BTBD8: variants seen among roughly 807,000 people sequenced by gnomAD.
The protein encoded by BTBD8 is BTB/POZ domain-containing protein 8.
BTBD8 carries 110 observed loss-of-function variants against 162.9 expected under a neutral mutation model. That is an observed-to-expected ratio of 0.68 (90% CI 0.58 to 0.79). The LOEUF (loss-of-function observed/expected upper bound fraction) is 0.79, where lower values mean the gene tolerates loss of function less well. Among genes scored for constraint, BTBD8 ranks in the 30% least tolerant of loss-of-function variants. BTBD8 has a pLI of 0.00. For missense variants in BTBD8, 1,905 were observed against 2,085.4 expected, an observed-to-expected ratio of 0.91 and a Z score of 1.68; for synonymous variants, 667 against 716.1, an observed-to-expected ratio of 0.93 and a Z score of 1.10.
At chr1:92,119,743 C>T (rs2101918827) in intron 4 of BTBD8, among the ~76,000 whole-genome samples, 1 of 151,512 alleles carries the variant, frequency 6.6e-6, no homozygotes, top group East Asian at 1.9e-4. Context: ...TCTCCTGCCT[C>T]AGCATCCCGA....
chr1:92,100,171 T>G (rs1648549891), intron 2 of BTBD8, among the ~76,000 whole-genome samples: 1 of 152,246 alleles, frequency 6.6e-6, no homozygotes. Flanking sequence ...TTTTCTGAAT[T>G]CCTGAGATAC....
chr1:92,084,637 A>G (rs951628146), intron 1 of BTBD8, among the ~76,000 whole-genome samples: 5 of 152,130 alleles, frequency 3.3e-5, no homozygotes, highest in Non-Finnish European at 2.9e-5. Context: ...GGTAAGGTGG[A>G]TATCTTGTCC....
At chr1:92,183,162 T>C (rs1465186390) in intron 17 of BTBD8, among the ~76,000 whole-genome samples, 1 of 152,164 alleles carries the variant, frequency 6.6e-6, no homozygotes, top group Non-Finnish European at 1.5e-5. Context: ...GCAATGATAA[T>C]ATATGAAAAA....
Position 92,080,358 on chromosome 1 carries a change from G to C in BTBD8, c.-214G>C, listed in dbSNP as rs1647959735. 1.6e-6 allele frequency: 1 copy of C among 637,656 alleles called. No homozygotes were observed. The highest frequency in any genetic ancestry group is 2.5e-6 in the Non-Finnish European group (1 of 392,710). 39.5% of individuals were successfully genotyped at this position (637,656 alleles called of 1,614,324 possible). On this transcript the variant is annotated 5_prime_UTR_variant, in exon 1 of 18. Transcript: ENST00000636805. ...CCTGCGCACGCTCTTCCTGGGTCAA[G>C]AGCCGGCTCGGTTCTGGGATTCTGA... is the stretch of plus-strand genomic sequence containing the variant.
At chr1:92,175,883 T>G (rs1650698058) in intron 13 of BTBD8, among the ~76,000 whole-genome samples, 1 of 152,344 alleles carries the variant, frequency 6.6e-6, no homozygotes, top group African/African-American at 2.4e-5. Flanking sequence ...AAAAATTTTC[T>G]TTGTTCCCTT....
intron 3 of BTBD8, 79 bp downstream of exon 3, chr1:92,102,748 C>T (rs1023049623): frequency 1.3e-5 from 16 of 1,218,942 alleles, no homozygotes; most frequent in African/African-American, 4.7e-5. Flanking sequence ...AAGCATACTT[C>T]AAAAATATGC....
chr1:92,147,848 T>C (rs751066046), intron 9 of BTBD8, 62 bp downstream of exon 9: 88 of 1,364,418 alleles, frequency 6.4e-5, no homozygotes, highest in Middle Eastern at 1.8e-4. Flanking sequence ...CAATTTTGTA[T>C]AGTACTTTCA....
rs1361898936 is a variant in BTBD8 at position 92,167,148 on chromosome 1, G to C, written c.1305+8G>C. The C allele has an allele frequency of 2.6e-6, 4 of 1,550,258 alleles. No homozygotes were observed. The highest frequency in any genetic ancestry group is 3.5e-6 in the Non-Finnish European group (4 of 1,146,814). On this transcript the variant is annotated splice_region_variant and intron_variant, in intron 10 of 17. Transcript: ENST00000636805. ...TTTGCTCTTCTTTTACAGGTACTAT[G>C]CCTAAATTATATCCTATATTTAGTT...
chr1:92,124,977 T>C (rs1649314109), intron 4 of BTBD8, among the ~76,000 whole-genome samples: 2 of 152,166 alleles, frequency 1.3e-5, no homozygotes, highest in African/African-American at 4.8e-5. Flanking sequence ...TTCTAAGATA[T>C]TGTGGAATGT....
intron 9 of BTBD8, among the ~76,000 whole-genome samples, chr1:92,159,600 A>G (rs1650239698): frequency 6.6e-6 from 1 of 152,180 alleles, no homozygotes; most frequent in Admixed American, 6.5e-5. Flanking sequence ...TCAACTGGTG[A>G]TGAATTTTCT....
intron 5 of BTBD8, among the ~76,000 whole-genome samples, chr1:92,138,049 A>G (rs1187608382): frequency 2.0e-5 from 3 of 152,168 alleles, no homozygotes; most frequent in Admixed American, 6.6e-5. Context: ...CTCTGATTTG[A>G]GTGAAGGCGG....
Position 92,177,295 on chromosome 1 carries a change from A to G in BTBD8, c.2102A>G (p.Asn701Ser). 8.4e-6 allele frequency: 13 copies of G among 1,552,102 alleles called. No homozygotes were observed. The highest frequency in any genetic ancestry group is 1.1e-5 in the Non-Finnish European group (13 of 1,147,074). The change falls in exon 14 of 18, where the codon AAT becomes AGT. Residue 701 changes from asparagine to serine, a missense_variant. Physicochemically the swap from Asn to Ser is conservative, Grantham distance 46 (BLOSUM62 1). Transcript: ENST00000636805. ...ARPKVLTGNL[N>S]VQAKAKPLKK... ...CCCAAGGTACTCACAGGAAACTTAA[A>G]TGTGCAAGCCAAAGCAAAGCCTTTG...
intron 4 of BTBD8, among the ~76,000 whole-genome samples, chr1:92,111,744 G>A (rs1445088670): frequency 1.3e-5 from 2 of 152,190 alleles, no homozygotes; most frequent in African/African-American, 2.4e-5. Context: ...CACATTGTAA[G>A]CTTTCAAAAG....
rs750974736 is a variant in BTBD8, at chr1:92,182,077, C to A, written c.4394C>A (p.Ser1465Tyr). ...VHTPFQASVDSFSPSDVFDGI... is the reference protein window; with the variant it reads ...VHTPFQASVDYFSPSDVFDGI... ...ACTCCCTTTCAGGCTTCTGTAGATT[C>A]TTTTTCACCTTCTGATGTTTTTGAT... Residue 1465 changes from serine (S) to tyrosine (Y), a missense_variant, in exon 17 of 18, where the codon TCT (serine) becomes TAT (tyrosine). Coordinates refer to ENST00000636805, the MANE Select transcript of BTBD8 (RefSeq NM_001376131.1). 2 of 1,551,478 alleles carry A rather than the reference C, an allele frequency of 1.3e-6. No individual in the cohort carries two copies. The highest frequency in any genetic ancestry group is 1.2e-5 in the South Asian group (1 of 84,046).
At position 92,168,930 on chromosome 1, in the gene BTBD8, A is replaced by G. The variant is rs1356289569; in HGVS notation, c.1508A>G (p.Tyr503Cys). ...TGGATCTTCCTGGTTCAGTCTTTCT[A>G]TGCTGTTCGTCACACAGAAAGCTGG... ...KLWIFLVQSF[Y>C]AVRHTESWKL... Residue 503 changes from tyrosine to cysteine, a missense_variant, in exon 12 of 18, where the codon TAT (tyrosine) becomes TGT (cysteine). This residue lies in a region of BTBD8 where 1,374 missense variants were observed against 1,442.7 expected (regional missense o/e 0.95). Coordinates refer to ENST00000636805, the MANE Select transcript of BTBD8 (RefSeq NM_001376131.1). The G allele has an allele frequency of 2.6e-6, 4 of 1,544,216 alleles. No individual in the cohort carries two copies. The highest frequency in any genetic ancestry group is 2.4e-5 in the East Asian group (1 of 40,850).
At chr1:92,120,351 G>C (rs1649175711) in intron 4 of BTBD8, among the ~76,000 whole-genome samples, 1 of 152,086 alleles carries the variant, frequency 6.6e-6, no homozygotes, top group Admixed American at 6.6e-5. Context: ...AGGTCTTCGG[G>C]GCAGTAACGG....
Position 92,177,489 on chromosome 1 carries a change from G to C in BTBD8, c.2296G>C (p.Asp766His). The C allele has an allele frequency of 6.4e-7, 1 of 1,551,348 alleles. No individual in the cohort carries two copies. Among genetic ancestry groups the C allele is most frequent in the Non-Finnish European group, 8.7e-7 (1 of 1,146,964 alleles). Reference sequence around the variant, plus strand: ...TTCTGGACATAAACTATCCTTTTGTGATTCTCCAGGACAGATGATGAAAAA... The same window carrying C: ...TTCTGGACATAAACTATCCTTTTGTCATTCTCCAGGACAGATGATGAAAAA... The part of the protein sequence containing the change: ...KPSGHKLSFC[D>H]SPGQMMKNSV... The change falls in exon 14 of 18, where the codon GAT becomes CAT. Residue 766 changes from aspartate to histidine, a missense_variant. Asp to His is a moderately conservative substitution (Grantham distance 81). Transcript: ENST00000636805.
At chr1:92,144,293 T>C (rs956829670) in intron 7 of BTBD8, among the ~76,000 whole-genome samples, 6 of 151,576 alleles carry the variant, frequency 4.0e-5, no homozygotes, top group Non-Finnish European at 8.8e-5. Flanking sequence ...AATTATGCAA[T>C]TTTTTGGCTG....
chr1:92,170,555 G>C (rs1404044919), intron 12 of BTBD8, among the ~76,000 whole-genome samples: 1 of 152,076 alleles, frequency 6.6e-6, no homozygotes, highest in Non-Finnish European at 1.5e-5. Context: ...ATATCCTATA[G>C]AATAGAGATC....
Sources: allele counts gnomAD v4.1 joint callset (sites outside exome capture counted in the v4.1 genomes callset), GRCh38; gene constraint gnomAD v4.1.1; regional missense constraint gnomAD v4.1.1; transcripts MANE v1.5; gene names NCBI Gene and HGNC (gene_info 2026-07-23, HGNC 2026-07-21).